Variants in RANBP2 observed in about 807,000 individuals in gnomAD.
RANBP2 encodes E3 SUMO-protein ligase RanBP2.
A neutral mutation model predicts 303.6 loss-of-function variants in RANBP2; 57 were observed. The observed-to-expected ratio is 0.19, with a 90% CI of 0.15 to 0.23. The LOEUF (loss-of-function observed/expected upper bound fraction) is 0.23. Among genes scored for constraint, RANBP2 ranks in the 10% least tolerant of loss-of-function variants. The pLI, the probability that RANBP2 is intolerant of heterozygous loss-of-function variation, is 1.00. For synonymous variants in RANBP2, 1,167 were observed against 1,301.5 expected, an observed-to-expected ratio of 0.90 and a Z score of 2.23; for missense variants, 3,138 against 3,780.8, an observed-to-expected ratio of 0.83 and a Z score of 4.46.
chr2:109,004,410 T>C, the RANBP2 span, among the ~76,000 whole-genome samples: 3 of 152,186 alleles, frequency 2.0e-5, no homozygotes, highest in African/African-American at 4.8e-5. Context: ...ATGCACATCC[T>C]CAGACTGTAT....
the RANBP2 span, among the ~76,000 whole-genome samples, chr2:109,378,472 T>G: frequency 6.6e-6 from 1 of 152,228 alleles, no homozygotes; most frequent in Non-Finnish European, 1.5e-5. Context: ...CTGCATGGGC[T>G]TATGGAGCTG....
Position 108,768,318 on chromosome 2 carries a change from C to G in RANBP2, c.7779C>G (p.Val2593=), listed in dbSNP as rs767216686. The G allele has an allele frequency of 1.2e-6, 2 of 1,611,970 alleles. No individual in the cohort carries two copies. The highest frequency in any genetic ancestry group is 1.7e-6 in the Non-Finnish European group (2 of 1,179,854). The part of the protein sequence containing the change: ...SDIEQSSDSK[V]KNLFASFPTE... ...TCGAACAGTCTTCAGATAGCAAAGT[C>G]AAAAATCTCTTTGCTTCCTTTCCAA... is the stretch of plus-strand genomic sequence containing the variant. The change falls in exon 20 of 29, where the codon GTC becomes GTG. Residue 2593 remains valine, a synonymous_variant. Coordinates refer to ENST00000283195, the MANE Select transcript of RANBP2 (RefSeq NM_006267.5).
At chr2:109,253,875 A>AT in the RANBP2 span, among the ~76,000 whole-genome samples, 4 of 152,072 alleles carry the variant, frequency 2.6e-5, no homozygotes, top group Non-Finnish European at 4.4e-5. Context: ...ATGTATGAGT[A>AT]TTTTTTCTTG....
intron 18 of RANBP2, among the ~76,000 whole-genome samples, chr2:108,759,210 G>A (rs1220773319): frequency 6.6e-6 from 1 of 152,004 alleles, no homozygotes; most frequent in Non-Finnish European, 1.5e-5. Context: ...GGTTGGCTAT[G>A]TGCAAAAGTG....
At chr2:108,738,451 CCAGTACCTT>C in intron 6 of RANBP2, among the ~76,000 whole-genome samples, 6 of 152,014 alleles carry the variant, frequency 3.9e-5, no homozygotes, top group South Asian at 4.2e-4. Flanking sequence ...TCTTGACCTT[CCAGTACCTT>C]GTGATCCGCT....
the RANBP2 span, chr2:108,908,089 G>A: frequency 6.7e-7 from 1 of 1,503,456 alleles, no homozygotes; most frequent in Non-Finnish European, 8.9e-7. Context: ...TTCTCCTGTG[G>A]TGAACTTGTC....
chr2:109,278,683 A>G, the RANBP2 span, among the ~76,000 whole-genome samples: 1 of 152,184 alleles, frequency 6.6e-6, no homozygotes, highest in Non-Finnish European at 1.5e-5. Context: ...GCTGAATTTT[A>G]CCTTCTTTGG....
At chr2:109,244,878 ATTC>A in the RANBP2 span, among the ~76,000 whole-genome samples, 2 of 152,156 alleles carry the variant, frequency 1.3e-5, no homozygotes, top group African/African-American at 4.8e-5. Context: ...CCATCGTCAT[ATTC>A]TGCAGGGTGT....
chr2:108,874,550 T>TC, the RANBP2 span, among the ~76,000 whole-genome samples: 1 of 152,242 alleles, frequency 6.6e-6, no homozygotes, highest in Non-Finnish European at 1.5e-5. Context: ...CCTCCTGGCC[T>TC]CATCCCCTCA....
chr2:109,062,067 G>C, the RANBP2 span, among the ~76,000 whole-genome samples: 1 of 152,182 alleles, frequency 6.6e-6, no homozygotes, highest in Admixed American at 6.5e-5. Flanking sequence ...AGGCAGAATG[G>C]CTGGGCAGGG....
chr2:109,143,763 AAAAC>A, the RANBP2 span, among the ~76,000 whole-genome samples: 62,277 of 150,766 alleles, frequency 0.41, 14,607 homozygotes, highest in Non-Finnish European at 0.54. Flanking sequence ...GAAACAAAAC[AAAAC>A]AAACAAACAA....
rs1675615330 is a variant in RANBP2, at chr2:108,748,934, A to G, written c.1078A>G (p.Asn360Asp). 1.2e-6 allele frequency: 2 copies of G among 1,612,044 alleles called. No individual in the cohort carries two copies. Among genetic ancestry groups the G allele is most frequent in the East Asian group, 4.5e-5 (2 of 44,868 alleles). ...RLSQSGHMLL[N>D]LSRGKQDFLK... ...TTTTTTTTCAGGGCACATGTTGCTA[A>G]ACTTAAGTCGTGGCAAGCAAGATTT... The change falls in exon 9 of 29, where the codon AAC becomes GAC. Residue 360 changes from asparagine to aspartate, a missense_variant. This residue lies in a region of RANBP2 where 95 missense variants were observed against 86.4 expected (regional missense o/e 1.10). Transcript: ENST00000283195.
the RANBP2 span, among the ~76,000 whole-genome samples, chr2:109,640,648 G>A: frequency 2.0e-5 from 3 of 152,152 alleles, no homozygotes; most frequent in African/African-American, 7.2e-5. Context: ...AGGGTCCACT[G>A]TTCTCAGCTC....
the RANBP2 span, among the ~76,000 whole-genome samples, chr2:108,973,240 G>A: frequency 6.6e-6 from 1 of 152,144 alleles, no homozygotes; most frequent in Non-Finnish European, 1.5e-5. Context: ...TGCCTGCTTC[G>A]GCCTCCCAAA....
chr2:109,145,619 G>A, the RANBP2 span, among the ~76,000 whole-genome samples: 1 of 152,156 alleles, frequency 6.6e-6, no homozygotes, highest in Non-Finnish European at 1.5e-5. Context: ...CACTGCTATC[G>A]CCATGCGTTT....
the RANBP2 span, among the ~76,000 whole-genome samples, chr2:109,647,995 G>T: frequency 3.9e-4 from 60 of 152,286 alleles, 1 homozygote; most frequent in Admixed American, 3.9e-3. Context: ...TAAGTATGTT[G>T]GAGGAGGCAG....
chr2:108,758,089 G>T (rs1026103195), intron 17 of RANBP2, among the ~76,000 whole-genome samples: 2 of 152,010 alleles, frequency 1.3e-5, no homozygotes, highest in African/African-American at 4.8e-5. Context: ...TTGAGGTCAG[G>T]AGTTCAAGAC....
chr2:109,214,028 G>T, the RANBP2 span, among the ~76,000 whole-genome samples: 1 of 152,180 alleles, frequency 6.6e-6, no homozygotes, highest in Non-Finnish European at 1.5e-5. Context: ...TCTGAGACCA[G>T]CCCTGCAGTT....
the RANBP2 span, among the ~76,000 whole-genome samples, chr2:108,987,767 C>T: frequency 2.0e-5 from 3 of 152,224 alleles, no homozygotes; most frequent in East Asian, 1.9e-4. Flanking sequence ...GAAGGGTACA[C>T]GTGGACTGTC....
Sources: gnomAD v4.1 joint callset for allele counts (sites outside exome capture counted in the v4.1 genomes callset) on GRCh38, gnomAD v4.1.1 for gene constraint, gnomAD v4.1.1 regional missense constraint, MANE v1.5 for transcripts, NCBI Gene and HGNC (gene_info 2026-07-23, HGNC 2026-07-21) for gene names.